SCRG1: variants seen among roughly 807,000 people sequenced by gnomAD.
The protein encoded by SCRG1 is stimulator of chondrogenesis 1.
In SCRG1, 3 loss-of-function variants were observed where a neutral mutation model predicts 7.7. The ratio of observed to expected loss-of-function variants is 0.39; its 90% CI spans 0.18 to 1.01. The LOEUF (loss-of-function observed/expected upper bound fraction) is 1.01, where lower values mean the gene tolerates loss of function less well. Ranked by LOEUF, SCRG1 falls within the 50% of genes least tolerant of loss-of-function variation. The pLI is 0.36. For missense variants in SCRG1, 110 were observed against 117.2 expected, an observed-to-expected ratio of 0.94 and a Z score of 0.28; for synonymous variants, 46 against 41.2, an observed-to-expected ratio of 1.12 and a Z score of -0.44.
the SCRG1 span, among the ~76,000 whole-genome samples, chr4:173,414,438 C>T: frequency 2.0e-5 from 3 of 152,186 alleles, no homozygotes; most frequent in African/African-American, 7.2e-5. Flanking sequence ...AACTCAGCTT[C>T]CTGCAGTGGT....
chr4:173,430,215 C>T, the SCRG1 span, among the ~76,000 whole-genome samples: 2 of 152,072 alleles, frequency 1.3e-5, no homozygotes, highest in East Asian at 3.9e-4. Context: ...GCCTGATCTA[C>T]TAGGAAAAGA....
chr4:173,425,014 G>T, the SCRG1 span, among the ~76,000 whole-genome samples: 1 of 152,294 alleles, frequency 6.6e-6, no homozygotes, highest in South Asian at 2.1e-4. Flanking sequence ...GAAATTGTCA[G>T]TCATCATTTA....
chr4:173,390,620 ATG>A (rs1739403767), intron 2 of SCRG1, among the ~76,000 whole-genome samples: 1 of 151,832 alleles, frequency 6.6e-6, no homozygotes, highest in East Asian at 1.9e-4. Flanking sequence ...TTACAGGCAC[ATG>A]CCACCACGCC....
chr4:173,403,757 G>A (rs2126923589), upstream of SCRG1, among the ~76,000 whole-genome samples: 1 of 152,308 alleles, frequency 6.6e-6, no homozygotes, highest in East Asian at 1.9e-4. Flanking sequence ...CAGTCTCTAA[G>A]GGGCATTGGA....
upstream of SCRG1, among the ~76,000 whole-genome samples, chr4:173,409,938 T>C (rs1403483892): frequency 1.3e-5 from 2 of 152,152 alleles, no homozygotes; most frequent in Non-Finnish European, 2.9e-5. Flanking sequence ...GATATACATG[T>C]CACTGGAAAA....
chr4:173,491,271 C>G, the SCRG1 span, among the ~76,000 whole-genome samples: 1 of 149,380 alleles, frequency 6.7e-6, no homozygotes, highest in Non-Finnish European at 1.5e-5. Context: ...TTTCCTGTGC[C>G]CCACTGCATG....
chr4:173,431,720 C>T, the SCRG1 span, among the ~76,000 whole-genome samples: 3 of 152,212 alleles, frequency 2.0e-5, no homozygotes, highest in South Asian at 6.2e-4. Flanking sequence ...AGAGGCAAAA[C>T]TTCCAGGGTC....
the SCRG1 span, among the ~76,000 whole-genome samples, chr4:173,462,096 G>A: frequency 1.3e-5 from 2 of 152,080 alleles, no homozygotes. Context: ...ATCTGTAATT[G>A]GCCTTAAAGA....
chr4:173,433,460 T>TG, the SCRG1 span, among the ~76,000 whole-genome samples: 64 of 152,212 alleles, frequency 4.2e-4, no homozygotes, highest in Non-Finnish European at 7.8e-4. Flanking sequence ...CCCAAGAGAT[T>TG]GTCTGATCCT....
At chr4:173,471,258 C>T in the SCRG1 span, among the ~76,000 whole-genome samples, 1 of 152,104 alleles carries the variant, frequency 6.6e-6, no homozygotes, top group Non-Finnish European at 1.5e-5. Context: ...ATACTGGGTA[C>T]AGTTGGGAGA....
chr4:173,459,410 A>G, the SCRG1 span, among the ~76,000 whole-genome samples: 8 of 152,362 alleles, frequency 5.3e-5, no homozygotes, highest in East Asian at 1.9e-4. Context: ...CATATCAAGT[A>G]TCTTTTCTGA....
upstream of SCRG1, chr4:173,403,059 G>A (rs1739802803): frequency 4.6e-5 from 7 of 152,146 alleles, no homozygotes; most frequent in South Asian, 1.4e-3. Context: ...GATATCCACT[G>A]AACCTTGGAC....
At chr4:173,509,399 C>T in the SCRG1 span, among the ~76,000 whole-genome samples, 14,545 of 152,210 alleles carry the variant, frequency 0.096, 893 homozygotes, top group Middle Eastern at 0.21. This position sits in a 1 kb window ranked among gnomAD's most constrained non-coding sequence, Gnocchi z 5.7. Context: ...GGCGCTTTTC[C>T]TCCCCGGGAG....
At position 173,388,043 on chromosome 4, in the gene SCRG1, A is replaced by G; in HGVS notation, c.*298T>C. 3.5e-6 allele frequency: 1 copy of G among 281,808 alleles called. No homozygotes were observed. The highest frequency in any genetic ancestry group is 6.5e-6 in the Non-Finnish European group (1 of 153,208). 17.5% of individuals were successfully genotyped at this position (281,808 alleles called of 1,614,324 possible). ...TGAAAGTATTTTCAATCCTTGAGCC[A>G]TGCCTATGGCTCTTCATCTGGGGGA... On this transcript the variant is annotated 3_prime_UTR_variant, in exon 3 of 3. Transcript: ENST00000296506.
chr4:173,482,265 T>A, the SCRG1 span, among the ~76,000 whole-genome samples: 2 of 152,150 alleles, frequency 1.3e-5, no homozygotes, highest in Admixed American at 6.6e-5. Flanking sequence ...TCTTCTTGAG[T>A]GTTAATATCC....
chr4:173,514,630 C>T, the SCRG1 span, among the ~76,000 whole-genome samples: 1 of 152,284 alleles, frequency 6.6e-6, no homozygotes, highest in Non-Finnish European at 1.5e-5. Flanking sequence ...GTGGAACAAT[C>T]GACCCCTTCT....
chr4:173,420,032 A>T, the SCRG1 span: 32 of 639,758 alleles, frequency 5.0e-5, no homozygotes, highest in Non-Finnish European at 8.4e-5. Flanking sequence ...TGTATCACCA[A>T]GCATTTCTGA....
the SCRG1 span, among the ~76,000 whole-genome samples, chr4:173,499,311 C>A: frequency 2.0e-5 from 3 of 152,172 alleles, no homozygotes; most frequent in South Asian, 4.1e-4. This position sits in a 1 kb window ranked among gnomAD's most constrained non-coding sequence, Gnocchi z 4.1. Context: ...GTTCCCTGAG[C>A]AAATTTCACC....
At chr4:173,483,304 T>TTATATATCATATATGA in the SCRG1 span, among the ~76,000 whole-genome samples, 1 of 45,212 alleles carries the variant, frequency 2.2e-5, no homozygotes, top group Admixed American at 4.0e-4. Context: ...ATATGATATA[T>TTATATATCATATATGA]TATATATTAC....
Sources: allele counts gnomAD v4.1 joint callset (sites outside exome capture counted in the v4.1 genomes callset), GRCh38; gene constraint gnomAD v4.1.1; non-coding constraint Gnocchi (gnomAD v3.1); transcripts MANE v1.5; gene names NCBI Gene and HGNC (gene_info 2026-07-23, HGNC 2026-07-21).